The following AP3S1 variants were observed in gnomAD, a reference collection of about 807,000 sequenced individuals.
The protein encoded by AP3S1 is adaptor related protein complex 3 subunit sigma 1.
Under a neutral mutation model 21.3 loss-of-function variants are expected in AP3S1, and 12 were observed. That is an observed-to-expected ratio of 0.56 (90% CI 0.36 to 0.91). AP3S1 has a LOEUF of 0.91. AP3S1 is among the 40% of genes least tolerant of loss of function. The pLI is 0.01. For missense variants in AP3S1, 116 were observed against 225.0 expected, an observed-to-expected ratio of 0.52 and a Z score of 3.10; for synonymous variants, 48 against 78.4, an observed-to-expected ratio of 0.61 and a Z score of 2.05.
chr5:115,900,293 A>C (rs1751102394), intron 4 of AP3S1, among the ~76,000 whole-genome samples: 1 of 152,178 alleles, frequency 6.6e-6, no homozygotes, highest in Non-Finnish European at 1.5e-5. Context: ...TATGGCATAA[A>C]ATTTTTAATA....
rs560338444 is a variant in AP3S1 at position 115,882,671 on chromosome 5, CG to C, written c.274-12411del. Among the ~76,000 whole-genome samples, 801 of 152,172 alleles carry C rather than the reference CG, an allele frequency of 5.3e-3. 6 individuals are homozygous for C. The highest frequency in any genetic ancestry group is 0.019 in the African/African-American group (770 of 41,546). ...GGAGGTGTCTCCCAGTTAGGAGGCA[CG>C]GGGGTCAGGGACCCGCTTGAGGAGG... On this transcript the variant is annotated intron_variant, in intron 3 of 5. Coordinates refer to ENST00000316788, the MANE Select transcript of AP3S1 (RefSeq NM_001284.4).
At chr5:115,888,782 T>C (rs971076841) in intron 3 of AP3S1, among the ~76,000 whole-genome samples, 10 of 152,138 alleles carry the variant, frequency 6.6e-5, no homozygotes, top group African/African-American at 2.4e-4. Flanking sequence ...CTATTTCTAT[T>C]TTAATTTTAT....
rs2112744299 is a variant in AP3S1 at position 115,841,976 on chromosome 5, GAGGCTCGCGCGCCCGCCCCC to G, written c.-61_-42del. The G allele has an allele frequency of 6.7e-7, 1 of 1,500,902 alleles. No homozygotes were observed. The highest frequency in any genetic ancestry group is 2.6e-5 in the East Asian group (1 of 38,260). 93.0% of individuals were successfully genotyped at this position (1,500,902 alleles called of 1,614,324 possible). ...AGGATCGCAGGCGAGATTACGAGGC[GAGGCTCGCGCGCCCGCCCCC>G]GCCCTGGCCCCCAGTGCCCACCCGG... On this transcript the variant is annotated 5_prime_UTR_variant, in exon 1 of 6. Coordinates refer to ENST00000316788, the MANE Select transcript of AP3S1 (RefSeq NM_001284.4).
At chr5:115,886,839 T>C (rs948848763) in intron 3 of AP3S1, among the ~76,000 whole-genome samples, 2 of 152,224 alleles carry the variant, frequency 1.3e-5, no homozygotes, top group Non-Finnish European at 2.9e-5. Context: ...AGGTAGATGG[T>C]CCTTTCTTCA....
intron 5 of AP3S1, among the ~76,000 whole-genome samples, chr5:115,910,529 C>T (rs1338752123): frequency 1.3e-5 from 2 of 151,706 alleles, no homozygotes. Flanking sequence ...AAATCTTAAC[C>T]AAGATGAAAA....
chr5:115,883,279 T>G (rs958561818), intron 3 of AP3S1, among the ~76,000 whole-genome samples: 1 of 152,168 alleles, frequency 6.6e-6, no homozygotes, highest in Non-Finnish European at 1.5e-5. Flanking sequence ...GCTAGGTTGG[T>G]GTCTGCCCAA....
chr5:115,868,049 A>G (rs1424193574), intron 2 of AP3S1, among the ~76,000 whole-genome samples: 1 of 152,164 alleles, frequency 6.6e-6, no homozygotes, highest in African/African-American at 2.4e-5. Flanking sequence ...TCTCCTCTAT[A>G]AAATGAGTTA....
At chr5:115,866,904 C>A (rs778490697) in intron 2 of AP3S1, 143 bp downstream of exon 2, 1 of 428,494 alleles carries the variant, frequency 2.3e-6, no homozygotes, top group Non-Finnish European at 4.1e-6. Context: ...AGCTATAAAT[C>A]TAACTTAAAG....
At chr5:115,867,485 G>A (rs915219433) in intron 2 of AP3S1, among the ~76,000 whole-genome samples, 2 of 152,078 alleles carry the variant, frequency 1.3e-5, no homozygotes, top group Non-Finnish European at 2.9e-5. Context: ...AAATCAGTCA[G>A]AGAAACTTAG....
At chr5:115,854,786 TC>T (rs1311645297) in intron 1 of AP3S1, among the ~76,000 whole-genome samples, 1 of 152,002 alleles carries the variant, frequency 6.6e-6, no homozygotes, top group Non-Finnish European at 1.5e-5. Context: ...AACTTCATAC[TC>T]CCCATTCTCT....
chr5:115,845,764 G>A (rs914622800), intron 1 of AP3S1, among the ~76,000 whole-genome samples: 1 of 142,710 alleles, frequency 7.0e-6, no homozygotes, highest in African/African-American at 2.6e-5. Flanking sequence ...TGAACCTGGG[G>A]AGGTGGAGAA....
At chr5:115,844,691 C>T (rs1214959654) in intron 1 of AP3S1, among the ~76,000 whole-genome samples, 1 of 152,134 alleles carries the variant, frequency 6.6e-6, no homozygotes, top group African/African-American at 2.4e-5. Context: ...TCCATTGCCA[C>T]GTGTACAAAT....
chr5:115,867,079 T>C (rs1160094827), intron 2 of AP3S1, among the ~76,000 whole-genome samples: 2 of 152,150 alleles, frequency 1.3e-5, no homozygotes, highest in African/African-American at 4.8e-5. Context: ...ATTTCTTGTG[T>C]ATCCTTCTAG....
intron 5 of AP3S1, among the ~76,000 whole-genome samples, chr5:115,910,268 A>G (rs1204639451): frequency 6.2e-5 from 7 of 112,724 alleles, no homozygotes; most frequent in Non-Finnish European, 1.4e-4. Flanking sequence ...TGTCTCTTAA[A>G]AAAAAAAAAA....
intron 1 of AP3S1, among the ~76,000 whole-genome samples, chr5:115,847,609 C>A (rs757269054): frequency 6.6e-6 from 1 of 152,058 alleles, no homozygotes; most frequent in Non-Finnish European, 1.5e-5. Flanking sequence ...ACAGAGGAGA[C>A]CCTGTCTCAA....
At chr5:115,861,519 T>G (rs1763179483) in intron 1 of AP3S1, among the ~76,000 whole-genome samples, 1 of 152,178 alleles carries the variant, frequency 6.6e-6, no homozygotes, top group South Asian at 2.1e-4. Context: ...ATTTCTTGTT[T>G]GGGATGATAT....
chr5:115,873,241 T>C (rs1456732542), intron 3 of AP3S1, among the ~76,000 whole-genome samples: 1 of 152,158 alleles, frequency 6.6e-6, no homozygotes, highest in Non-Finnish European at 1.5e-5. Context: ...AGAACAAACA[T>C]GGTATTAATA....
At chr5:115,854,061 A>G (rs565234369) in intron 1 of AP3S1, among the ~76,000 whole-genome samples, 50 of 152,282 alleles carry the variant, frequency 3.3e-4, no homozygotes, top group Non-Finnish European at 6.3e-4. Flanking sequence ...CTGCTGCATC[A>G]TAACATGGTG....
intron 1 of AP3S1, among the ~76,000 whole-genome samples, chr5:115,860,191 C>G (rs1300718482): frequency 2.6e-5 from 4 of 152,204 alleles, no homozygotes; most frequent in African/African-American, 9.6e-5. Context: ...TTCTTTTTCT[C>G]TAGTCACATC....
Sources: allele counts gnomAD v4.1 joint callset (sites outside exome capture counted in the v4.1 genomes callset), GRCh38; gene constraint gnomAD v4.1.1; transcripts MANE v1.5; gene names NCBI Gene and HGNC (gene_info 2026-07-23, HGNC 2026-07-21).